Variants in ZNF277 observed in about 807,000 individuals in gnomAD.
ZNF277 encodes nuclear receptor-interacting factor 4.
Under a neutral mutation model 60.7 loss-of-function variants are expected in ZNF277, and 55 were observed. The ratio of observed to expected loss-of-function variants is 0.91; its 90% CI spans 0.73 to 1.13. The LOEUF (loss-of-function observed/expected upper bound fraction) is 1.13, where lower values mean the gene tolerates loss of function less well. Among genes scored for constraint, ZNF277 ranks in the 50% most tolerant of loss-of-function variants. ZNF277 has a pLI of 0.00. For synonymous variants in ZNF277, 178 were observed against 179.3 expected, an observed-to-expected ratio of 0.99 and a Z score of 0.06; for missense variants, 510 against 523.0, an observed-to-expected ratio of 0.98 and a Z score of 0.24.
rs181342142 is a variant in ZNF277 at position 112,279,570 on chromosome 7, G to C, written c.92-7303G>C. Reference sequence around the variant, plus strand: ...TGGGTTTTATGCTACTGAGTTGTATGAGTTTTTAATATACAGCTGACCCTT... The same window carrying C: ...TGGGTTTTATGCTACTGAGTTGTATCAGTTTTTAATATACAGCTGACCCTT... On this transcript the variant is annotated intron_variant, in intron 1 of 11. Coordinates refer to ENST00000361822, the MANE Select transcript of ZNF277 (RefSeq NM_021994.3). Among the ~76,000 whole-genome samples, 132 of 152,220 alleles carry C rather than the reference G, an allele frequency of 8.7e-4. 1 individual carries two copies. The highest frequency in any genetic ancestry group is 2.9e-3 in the African/African-American group (122 of 41,520).
chr7:112,339,714 A>G (rs1307635334), intron 9 of ZNF277, 129 bp from the exon 10 acceptor site: 2 of 863,612 alleles, frequency 2.3e-6, no homozygotes, highest in Non-Finnish European at 3.6e-6. Flanking sequence ...GAAGACTTCA[A>G]AAGCAGAAGA....
chr7:112,222,632 C>T (rs1319389535), intron 1 of ZNF277, among the ~76,000 whole-genome samples: 1 of 152,058 alleles, frequency 6.6e-6, no homozygotes, highest in East Asian at 1.9e-4. Flanking sequence ...CAGAAATCAA[C>T]TTTTAGTTGT....
At chr7:112,337,878 T>C in intron 9 of ZNF277, 52 bp downstream of exon 9, 1 of 1,459,462 alleles carries the variant, frequency 6.9e-7, no homozygotes, top group South Asian at 1.2e-5. Flanking sequence ...AGGGGAAAGC[T>C]AGTAATTGTT....
intron 1 of ZNF277, among the ~76,000 whole-genome samples, chr7:112,243,571 G>GA (rs535743745): frequency 6.3e-4 from 92 of 146,128 alleles, no homozygotes; most frequent in African/African-American, 1.8e-3. Flanking sequence ...AAAAGCATAT[G>GA]AAAAAAAAAA....
intron 5 of ZNF277, among the ~76,000 whole-genome samples, chr7:112,324,666 AAGCTAATTTTGAATTAGCT>A (rs1793058570): frequency 6.6e-6 from 1 of 152,180 alleles, no homozygotes; most frequent in South Asian, 2.1e-4. Flanking sequence ...AGGCTGAATC[AAGCTAATTTTGAATTAGCT>A]AGCAAACCAC....
intron 1 of ZNF277, among the ~76,000 whole-genome samples, chr7:112,258,413 G>A (rs1435952739): frequency 1.3e-5 from 2 of 150,938 alleles, no homozygotes; most frequent in Admixed American, 1.3e-4. Context: ...CTACTGCACA[G>A]AATATACTTG....
chr7:112,244,781 G>T (rs73717517), intron 1 of ZNF277, among the ~76,000 whole-genome samples: 2,316 of 152,106 alleles, frequency 0.015, 26 homozygotes, highest in Middle Eastern at 0.044. Flanking sequence ...ATTTGTTGAT[G>T]TGCAGTAACC....
intron 4 of ZNF277, among the ~76,000 whole-genome samples, chr7:112,316,183 G>C (rs1163892691): frequency 6.6e-6 from 1 of 152,070 alleles, no homozygotes; most frequent in Non-Finnish European, 1.5e-5. Context: ...CACAATATTG[G>C]TCAGAAAGAA....
chr7:112,279,910 A>G (rs1179043357), intron 1 of ZNF277, among the ~76,000 whole-genome samples: 2 of 152,116 alleles, frequency 1.3e-5, no homozygotes, highest in African/African-American at 4.8e-5. Flanking sequence ...GTGCTGTTTC[A>G]GGTGTGGCTG....
rs1330152091 is a variant in ZNF277 at position 112,259,346 on chromosome 7, G to GT, written c.92-27523dup. Among the ~76,000 whole-genome samples, 46 of 152,238 alleles carry GT rather than the reference G, an allele frequency of 3.0e-4. 1 individual carries two copies. The highest frequency in any genetic ancestry group is 5.0e-4 in the Non-Finnish European group (34 of 68,004). ...ATTCCAAATATTAGAAGGAAAGTCA[G>GT]TTTTCTCTTTAAAACACTCACCTAA... On this transcript the variant is annotated intron_variant, in intron 1 of 11. Transcript: ENST00000361822.
intron 9 of ZNF277, among the ~76,000 whole-genome samples, chr7:112,338,867 A>T (rs981043142): frequency 6.6e-6 from 1 of 152,206 alleles, no homozygotes; most frequent in African/African-American, 2.4e-5. Context: ...TTTCAGTGAT[A>T]ACATCACGAA....
intron 1 of ZNF277, among the ~76,000 whole-genome samples, chr7:112,224,605 G>A (rs1822129327): frequency 4.6e-5 from 7 of 152,200 alleles, no homozygotes; most frequent in Admixed American, 4.6e-4. Flanking sequence ...GGGATGGCAA[G>A]AATTTTTTTC....
intron 1 of ZNF277, among the ~76,000 whole-genome samples, chr7:112,278,730 A>AT (rs1791874858): frequency 6.6e-6 from 1 of 152,120 alleles, no homozygotes; most frequent in African/African-American, 2.4e-5. Flanking sequence ...CCTGCTCTCC[A>AT]TTTTTTAAAA....
chr7:112,330,548 C>CTTTTTTTTTTTTTTT (rs1171213748), intron 7 of ZNF277: 17 of 108,056 alleles, frequency 1.6e-4, no homozygotes, highest in East Asian at 5.1e-4. Flanking sequence ...AGACTCCTTT[C>CTTTTTTTTTTTTTTT]TTTTTTTTTT....
intron 1 of ZNF277, among the ~76,000 whole-genome samples, chr7:112,273,204 G>A (rs138279685): frequency 9.2e-5 from 14 of 152,292 alleles, no homozygotes; most frequent in Non-Finnish European, 1.6e-4. Flanking sequence ...ACTTTAGCCC[G>A]TGGTTTGCTG....
intron 1 of ZNF277, among the ~76,000 whole-genome samples, chr7:112,228,454 CTTTTTTT>C (rs71150013): frequency 8.2e-5 from 3 of 36,404 alleles, no homozygotes; most frequent in East Asian, 9.1e-4. Flanking sequence ...GAGGAGAGGC[CTTTTTTT>C]TTTTTTTTTT....
intron 1 of ZNF277, among the ~76,000 whole-genome samples, chr7:112,228,744 A>G (rs1323249910): frequency 1.3e-5 from 2 of 152,130 alleles, no homozygotes; most frequent in Non-Finnish European, 2.9e-5. Flanking sequence ...ACAGATCACT[A>G]TAAACTTGTT....
Position 112,302,125 on chromosome 7 carries a change from A to G in ZNF277, c.465+5814A>G, listed in dbSNP as rs570551607. On this transcript the variant is annotated intron_variant, in intron 4 of 11. Coordinates refer to ENST00000361822, the MANE Select transcript of ZNF277 (RefSeq NM_021994.3). ...TATGAAGGTATTTTTTTTAATCACT[A>G]TTTCAAATGTCAGCTTGAGATATCA... is the stretch of plus-strand genomic sequence containing the variant. Among the ~76,000 whole-genome samples the G allele has an allele frequency of 6.6e-5, 10 of 152,218 alleles. No homozygotes were observed. The South Asian group carries it at 1.9e-3, about 28-fold the overall frequency.
chr7:112,250,504 G>A (rs977037423), intron 1 of ZNF277, among the ~76,000 whole-genome samples: 4 of 152,136 alleles, frequency 2.6e-5, no homozygotes, highest in African/African-American at 9.7e-5. Flanking sequence ...AAAACTTGCT[G>A]GTTTTTGCAG....
Sources: gnomAD v4.1 joint callset for allele counts (sites outside exome capture counted in the v4.1 genomes callset) on GRCh38, gnomAD v4.1.1 for gene constraint, MANE v1.5 for transcripts, NCBI Gene and HGNC (gene_info 2026-07-23, HGNC 2026-07-21) for gene names.